The following TYRP1 variants were observed in gnomAD, a reference collection of about 807,000 sequenced individuals.
TYRP1 encodes the protein 5,6-dihydroxyindole-2-carboxylic acid oxidase.
A neutral mutation model predicts 42.8 loss-of-function variants in TYRP1; 49 were observed. That is an observed-to-expected ratio of 1.14 (90% confidence interval 0.91 to 1.45). TYRP1 has a LOEUF of 1.45. Among genes scored for constraint, TYRP1 ranks in the 40% most tolerant of loss-of-function variants. TYRP1 has a pLI of 0.00. For missense variants in TYRP1, 848 were observed against 662.0 expected, an observed-to-expected ratio of 1.28 and a Z score of -3.08; for synonymous variants, 279 against 235.4, an observed-to-expected ratio of 1.19 and a Z score of -1.69.
chr9:12,694,917 A>G (rs543288017), intron 2 of TYRP1, among the ~76,000 whole-genome samples: 4 of 152,296 alleles, frequency 2.6e-5, no homozygotes, highest in African/African-American at 9.6e-5. Context: ...AACAGCCAAC[A>G]ATATTTGATT....
chr9:12,708,193 T>C, intron 7 of TYRP1, 50 bp downstream of exon 7: 11 of 1,602,428 alleles, frequency 6.9e-6, no homozygotes, highest in Non-Finnish European at 8.5e-6. Flanking sequence ...AAAGCAAATG[T>C]GTTATCTTTC....
At chr9:12,707,677 A>T (rs1312215824) in intron 6 of TYRP1, 1 of 247,100 alleles carries the variant, frequency 4.0e-6, no homozygotes, top group African/African-American at 2.3e-5. Flanking sequence ...TGAAAAATAC[A>T]TTTAATGAAT....
intron 7 of TYRP1, among the ~76,000 whole-genome samples, chr9:12,708,444 C>G (rs778690989): frequency 2.8e-4 from 43 of 151,910 alleles, no homozygotes; most frequent in Middle Eastern, 3.2e-3. Context: ...TTAACTGTTA[C>G]AGATTCACAT....
Position 12,702,312 on chromosome 9 carries a change from G to A in TYRP1, c.955G>A (p.Val319Met), listed in dbSNP as rs928572918. The A allele has an allele frequency of 3.7e-6, 6 of 1,613,168 alleles. No individual in the cohort carries two copies. The Admixed American group carries it at 6.7e-5, about 18-fold the overall frequency. Residue 319 changes from valine (V) to methionine (M), a missense_variant, in exon 5 of 8, where the codon GTG becomes ATG. Val to Met is a conservative substitution (Grantham distance 21). Transcript: ENST00000388918. ...GPIRRNPAGNVARPMVQRLPE... is the reference protein window; with the variant it reads ...GPIRRNPAGNMARPMVQRLPE... The stretch of plus-strand genomic sequence containing the variant: ...AATTAGGAGAAATCCAGCTGGAAAT[G>A]TGGCCAGACCAATGGTGCAACGTCT...
chr9:12,695,100 C>G (rs962628148), intron 2 of TYRP1, among the ~76,000 whole-genome samples: 2 of 151,970 alleles, frequency 1.3e-5, no homozygotes, highest in African/African-American at 4.8e-5. Context: ...AAAACTAAGA[C>G]TTGGAAAAAT....
chr9:12,696,542 T>C (rs1654356681), intron 3 of TYRP1, among the ~76,000 whole-genome samples: 1 of 152,156 alleles, frequency 6.6e-6, no homozygotes, highest in African/African-American at 2.4e-5. Flanking sequence ...TTGAAAAATA[T>C]CAAAATAATT....
chr9:12,704,460 G>C, intron 5 of TYRP1, 66 bp from the exon 6 acceptor site: 1 of 1,553,530 alleles, frequency 6.4e-7, no homozygotes, highest in Non-Finnish European at 8.7e-7. Flanking sequence ...TATAATCATT[G>C]CTATTACCTG....
Position 12,698,438 on chromosome 9 carries a change from T to G in TYRP1, c.709-13T>G, listed in dbSNP as rs756465180. The G allele has an allele frequency of 1.4e-5, 22 of 1,611,756 alleles. No homozygotes were observed. Among genetic ancestry groups the G allele is most frequent in the Non-Finnish European group, 1.8e-5 (21 of 1,178,180 alleles). On this transcript the variant is annotated splice_polypyrimidine_tract_variant and intron_variant, in intron 3 of 7. Transcript: ENST00000388918. ...CAGAAGCAGAGAGTATTAATGTGGT[T>G]TCTGTGATCTAGGAAATGTTGCAAG...
rs1227127265 is a variant in TYRP1, at chr9:12,694,372, G to A, written c.376G>A (p.Val126Ile). 1.2e-6 allele frequency: 2 copies of A among 1,613,822 alleles called. No homozygotes were observed. Among genetic ancestry groups the A allele is most frequent in the Non-Finnish European group, 1.7e-6 (2 of 1,179,992 alleles). Residue 126 changes from valine to isoleucine, a missense_variant, in exon 2 of 8, where the codon GTT becomes ATT. By Grantham distance (29) the Val-to-Ile change is conservative. Transcript: ENST00000388918. ...GAGAGGAGCTGCCTGTGACCAGAGG[G>A]TTCTCATAGGTAAGTGGAGATATGA... ...GWRGAACDQR[V>I]LIVRRNLLDL...
In TYRP1 at chr9:12,694,162, T is replaced by G. The variant is rs1473481984; in HGVS notation, c.166T>G (p.Cys56Gly). 6.2e-7 allele frequency: 1 copy of G among 1,614,060 alleles called. No homozygotes were observed. Among genetic ancestry groups the G allele is most frequent in the East Asian group, 2.2e-5 (1 of 44,832 alleles). Reference sequence around the variant, plus strand: ...TGTGTCTGGGCCTGGGACAGACCGCTGTGGCTCATCATCAGGGAGGGGCAG... The same window carrying G: ...TGTGTCTGGGCCTGGGACAGACCGCGGTGGCTCATCATCAGGGAGGGGCAG... ...SPVSGPGTDR[C>G]GSSSGRGRCE... is the part of the protein sequence containing the mutation. The change falls in exon 2 of 8, where the codon TGT becomes GGT. Residue 56 changes from cysteine (C) to glycine (G), a missense_variant. Cys to Gly is a radical substitution (Grantham distance 159). Transcript: ENST00000388918.
At chr9:12,699,063 G>T (rs1818124442) in intron 4 of TYRP1, among the ~76,000 whole-genome samples, 1 of 151,688 alleles carries the variant, frequency 6.6e-6, no homozygotes, top group Non-Finnish European at 1.5e-5. Context: ...GCCCTGGGAA[G>T]AAAAAAAAGA....
At chr9:12,702,961 T>A (rs756982457) in intron 5 of TYRP1, among the ~76,000 whole-genome samples, 1 of 152,054 alleles carries the variant, frequency 6.6e-6, no homozygotes, top group South Asian at 2.1e-4. Context: ...TTAACTTGGT[T>A]TTCCTTATTT....
In TYRP1 at chr9:12,705,432, T is replaced by G. The variant is rs548145468; in HGVS notation, c.1261+727T>G. Among the ~76,000 whole-genome samples, 202 of 152,188 alleles carry G rather than the reference T, an allele frequency of 1.3e-3. 10 individuals carry two copies. The South Asian group carries it at 0.041, about 31-fold the overall frequency. On this transcript the variant is annotated intron_variant, in intron 6 of 7. Coordinates refer to ENST00000388918, the MANE Select transcript of TYRP1 (RefSeq NM_000550.3). ...CTGATATTGTAGCTTAACTACCTAT[T>G]GATTTATGTATCCATTAGGCATGCT...
chr9:12,709,469 A>G lies in TYRP1; in HGVS notation c.*287A>G. On this transcript the variant is annotated 3_prime_UTR_variant, in exon 8 of 8. Coordinates refer to ENST00000388918, the MANE Select transcript of TYRP1 (RefSeq NM_000550.3). ...GCATGATTTAAAGGTTGAGTATGTG[A>G]AGATATAAGTAAGTGAACTACCATG... is the stretch of plus-strand genomic sequence containing the variant. 1 of 303,664 alleles carries G rather than the reference A, an allele frequency of 3.3e-6. No individual in the cohort carries two copies. Among genetic ancestry groups the G allele is most frequent in the South Asian group, 2.6e-5 (1 of 38,472 alleles). The allele number at this position is 303,664 out of a possible 1,614,324, so 18.8% of individuals were successfully genotyped here.
At chr9:12,708,198 T>C in intron 7 of TYRP1, 55 bp downstream of exon 7, 2 of 1,592,542 alleles carry the variant, frequency 1.3e-6, no homozygotes, top group African/African-American at 1.3e-5. Flanking sequence ...AAATGTGTTA[T>C]CTTTCAAGTA....
chr9:12,703,802 A>G (rs1395770835), intron 5 of TYRP1, among the ~76,000 whole-genome samples: 1 of 151,782 alleles, frequency 6.6e-6, no homozygotes, highest in East Asian at 1.9e-4. Context: ...GACAGCCTAC[A>G]TTATAGACCC....
intron 5 of TYRP1, among the ~76,000 whole-genome samples, chr9:12,702,964 C>A (rs1049390191): frequency 1.3e-5 from 2 of 151,912 alleles, no homozygotes; most frequent in African/African-American, 2.4e-5. Flanking sequence ...ACTTGGTTTT[C>A]CTTATTTCAC....
Position 12,709,343 on chromosome 9 carries a change from C to CCCTT in TYRP1, c.*162_*165dup. On this transcript the variant is annotated 3_prime_UTR_variant, in exon 8 of 8. Coordinates refer to ENST00000388918, the MANE Select transcript of TYRP1 (RefSeq NM_000550.3). ...GGCATACTTTTCAAAGCTGGGAAGACCCTTTCAGAATCTTTTCAATGGGTT... is the reference window on the plus strand; with the variant it reads ...GGCATACTTTTCAAAGCTGGGAAGACCCTTCCTTTCAGAATCTTTTCAATGGGTT... 1 of 735,596 alleles carries CCCTT rather than the reference C, an allele frequency of 1.4e-6. No individual in the cohort carries two copies. The highest frequency in any genetic ancestry group is 2.3e-6 in the Non-Finnish European group (1 of 441,572). 45.6% of individuals were successfully genotyped at this position (735,596 alleles called of 1,614,324 possible).
At chr9:12,697,464 A>T (rs1818095776) in intron 3 of TYRP1, among the ~76,000 whole-genome samples, 1 of 152,074 alleles carries the variant, frequency 6.6e-6, no homozygotes, top group South Asian at 2.1e-4. Context: ...ACCCCTGGAG[A>T]CCAATAACTG....
Sources: allele counts gnomAD v4.1 joint callset (sites outside exome capture counted in the v4.1 genomes callset), GRCh38; gene constraint gnomAD v4.1.1; transcripts MANE v1.5; gene names NCBI Gene and HGNC (gene_info 2026-07-23, HGNC 2026-07-21).